The following BRD9 variants were observed in gnomAD, a reference collection of about 807,000 sequenced individuals.
The protein encoded by BRD9 is bromodomain-containing protein 9.
A neutral mutation model predicts 68.7 loss-of-function variants in BRD9; 47 were observed. The ratio of observed to expected loss-of-function variants is 0.68; its 90% confidence interval spans 0.54 to 0.87. BRD9 has a LOEUF of 0.87. Among genes scored for constraint, BRD9 ranks in the 40% least tolerant of loss-of-function variants. The pLI is 0.00. For synonymous variants in BRD9, 313 were observed against 293.9 expected, an observed-to-expected ratio of 1.06 and a Z score of -0.67; for missense variants, 670 against 748.4, an observed-to-expected ratio of 0.90 and a Z score of 1.22.
chr5:864,796 C>T (rs112986474), intron 15 of BRD9, among the ~76,000 whole-genome samples: 13 of 152,280 alleles, frequency 8.5e-5, no homozygotes, highest in African/African-American at 2.4e-4. Flanking sequence ...AAGGAGAGAA[C>T]GCTCCTTGGC....
At position 886,540 on chromosome 5, in the gene BRD9, T is replaced by C; in HGVS notation, c.833+52A>G. 4 of 1,524,224 alleles carry C rather than the reference T, an allele frequency of 2.6e-6. No individual in the cohort carries two copies. In the South Asian group the frequency reaches 3.6e-5, roughly 14 times the overall value. The allele number at this position is 1,524,224 out of a possible 1,614,324, so 94.4% of individuals were successfully genotyped here. The stretch of plus-strand genomic sequence containing the variant: ...CTCCCCTACAAGGCACCTGCTTTCC[T>C]GGCTATGGTGCTCAACTCCAAAAGC... On this transcript the variant is annotated intron_variant, in intron 7 of 15. Transcript: ENST00000467963.
intron 3 of BRD9, 25 bp from the exon 4 acceptor site, chr5:889,672 T>A: frequency 6.2e-7 from 1 of 1,609,874 alleles, no homozygotes; most frequent in Non-Finnish European, 8.5e-7. Context: ...AAAAAAAAAT[T>A]GAATACAAGA....
At position 891,750 on chromosome 5, in the gene BRD9, C is replaced by T. The variant is rs1001153323; in HGVS notation, c.157G>A (p.Asp53Asn). The change falls in exon 2 of 16, where the codon GAT (aspartate) becomes AAT (asparagine). Residue 53 changes from aspartate to asparagine, a missense_variant. Physicochemically the swap from Asp to Asn is conservative, Grantham distance 23. Coordinates refer to ENST00000467963, the MANE Select transcript of BRD9 (RefSeq NM_023924.5). ...TCTCGCTCATGGTCTGACCTGTCAT[C>T]ATAGTAACTGGAGTCGTGGCCGGAT... ...SGSGHDSSYY[D>N]DRSDHERERH... The T allele has an allele frequency of 1.3e-6, 2 of 1,551,598 alleles. No homozygotes were observed. The highest frequency in any genetic ancestry group is 2.7e-5 in the African/African-American group (2 of 73,026).
Position 870,488 on chromosome 5 carries a change from T to C in BRD9, c.1510A>G (p.Met504Val). 6.2e-7 allele frequency: 1 copy of C among 1,613,704 alleles called. No individual in the cohort carries two copies. The highest frequency in any genetic ancestry group is 8.5e-7 in the Non-Finnish European group (1 of 1,179,606). ...TACAACTCACCCAGAGAGCTGAGCA[T>C]GGAGATATCCACAGAAACGTCGGGA... ...SYPDVSVDIS[M>V]LSSLGKVKKE... Residue 504 changes from methionine (M) to valine (V), a missense_variant, in exon 14 of 16, where the codon ATG becomes GTG. Met to Val is a conservative substitution (Grantham distance 21). Transcript: ENST00000467963.
intron 1 of BRD9, 33 bp downstream of exon 1, chr5:892,573 C>T (rs1753627249): frequency 2.0e-6 from 3 of 1,532,870 alleles, no homozygotes; most frequent in Admixed American, 4.0e-5. Context: ...CGGGACCCCG[C>T]CCGCCGCGCG....
At position 864,554 on chromosome 5, in the gene BRD9, G is replaced by A; in HGVS notation, c.1708C>T (p.Leu570=). The change falls in exon 16 of 16, where the codon CTG becomes TTG. Residue 570 remains leucine, a synonymous_variant. Transcript: ENST00000467963. ...ACGTCTGGCTGCTCCCCGACACTCA[G>A]GCGAGAAGGGCTTCCTGCAATTTTC... is the stretch of plus-strand genomic sequence containing the variant. ...DQHHLGSPSR[L]SVGEQPDVTH... 1 of 1,613,796 alleles carries A rather than the reference G, an allele frequency of 6.2e-7. No homozygotes were observed. The highest frequency in any genetic ancestry group is 8.5e-7 in the Non-Finnish European group (1 of 1,179,816).
At chr5:869,337 A>G (rs771146103) in intron 14 of BRD9, 9 of 456,142 alleles carry the variant, frequency 2.0e-5, no homozygotes, top group Admixed American at 4.7e-5. Context: ...CTCCGTGGTA[A>G]TAAGACACCA....
At position 892,645 on chromosome 5, in the gene BRD9, G is replaced by T; in HGVS notation, c.13C>A (p.His5Asn). ...CGCCACTCGGCCTTGTGCTTCTTGT[G>T]CTTCTTGCCCATGGCGGCGCCGGCG... MGKK[H>N]KKHKAEWRSS... The change falls in exon 1 of 16, where the codon CAC (histidine) becomes AAC (asparagine). Residue 5 changes from histidine (H) to asparagine (N), a missense_variant. Coordinates refer to ENST00000467963, the MANE Select transcript of BRD9 (RefSeq NM_023924.5). 6.8e-7 allele frequency: 1 copy of T among 1,469,916 alleles called. No homozygotes were observed. Among genetic ancestry groups the T allele is most frequent in the African/African-American group, 1.5e-5 (1 of 67,578 alleles). The allele number at this position is 1,469,916 out of a possible 1,614,324, so 91.1% of individuals were successfully genotyped here. A position where few individuals can be genotyped will look rare whatever the true frequency, so the allele number is the denominator to read the frequency against.
At chr5:887,310 G>A (rs1276748338) in intron 6 of BRD9, 51 bp downstream of exon 6, 2 of 1,477,822 alleles carry the variant, frequency 1.4e-6, no homozygotes, top group Admixed American at 3.4e-5. Context: ...CAAGCGACGG[G>A]GGGCAGAGCC....
intron 3 of BRD9, 68 bp downstream of exon 3, chr5:891,087 G>T: frequency 6.8e-7 from 1 of 1,469,410 alleles, no homozygotes; most frequent in Non-Finnish European, 9.1e-7. Context: ...AACAGGACAC[G>T]GTGCCGACCC....
chr5:869,978 C>T (rs1461486630), intron 14 of BRD9, among the ~76,000 whole-genome samples: 1 of 152,238 alleles, frequency 6.6e-6, no homozygotes, highest in Non-Finnish European at 1.5e-5. Flanking sequence ...AAATACCCTG[C>T]AGAGTTTGAC....
At chr5:880,569 C>T (rs533443603) in intron 9 of BRD9, among the ~76,000 whole-genome samples, 35 of 152,204 alleles carry the variant, frequency 2.3e-4, no homozygotes, top group African/African-American at 7.0e-4. Context: ...CACGCGAGCC[C>T]GCGAGTGCGT....
chr5:881,536 C>G (rs1406751653), intron 8 of BRD9: 1 of 361,590 alleles, frequency 2.8e-6, no homozygotes, highest in Non-Finnish European at 5.2e-6. Flanking sequence ...CTCCAGCCCT[C>G]AAGCATGTGT....
At chr5:891,070 C>T in intron 3 of BRD9, 85 bp downstream of exon 3, 1 of 1,442,254 alleles carries the variant, frequency 6.9e-7, no homozygotes, top group South Asian at 1.4e-5. Context: ...ATGCTTCTCC[C>T]CAAAGCAACA....
chr5:889,462 G>A (rs1753027577), intron 4 of BRD9, 125 bp downstream of exon 4: 2 of 1,049,766 alleles, frequency 1.9e-6, no homozygotes, highest in Non-Finnish European at 1.4e-6. Flanking sequence ...AGTGGACTGG[G>A]AGTCACCAAG....
intron 1 of BRD9, 82 bp downstream of exon 1, chr5:892,524 G>A (rs1187782566): frequency 1.9e-5 from 29 of 1,501,366 alleles, no homozygotes; most frequent in Non-Finnish European, 2.5e-5. Context: ...CCGGTGCCCA[G>A]GACCCCCGTC....
chr5:881,748 T>C (rs1751794969), intron 8 of BRD9: 1 of 156,798 alleles, frequency 6.4e-6, no homozygotes, highest in African/African-American at 2.4e-5. Context: ...GGCAGCCACC[T>C]GGCCTGAGAA....
chr5:876,791 A>G (rs73733916), intron 11 of BRD9, among the ~76,000 whole-genome samples: 5,657 of 152,304 alleles, frequency 0.037, 333 homozygotes, highest in African/African-American at 0.13. Flanking sequence ...AAAGACCTTC[A>G]CAGAGAGGAA....
At chr5:876,305 C>A (rs1255793830) in intron 11 of BRD9, 93 bp from the exon 12 acceptor site, 1 of 915,724 alleles carries the variant, frequency 1.1e-6, no homozygotes, top group African/African-American at 1.6e-5. Flanking sequence ...CGTGCCAGCG[C>A]AGCTCCTCGG....
Sources: gnomAD v4.1 joint callset for allele counts (sites outside exome capture counted in the v4.1 genomes callset) on GRCh38, gnomAD v4.1.1 for gene constraint, MANE v1.5 for transcripts, NCBI Gene and HGNC (gene_info 2026-07-23, HGNC 2026-07-21) for gene names.